The following TLN2 variants were observed in gnomAD, a reference collection of about 807,000 sequenced individuals.
The protein encoded by TLN2 is talin 2.
Under a neutral mutation model 294.7 loss-of-function variants are expected in TLN2, and 118 were observed. That is an observed-to-expected ratio of 0.40 (90% CI 0.34 to 0.47). TLN2 has a LOEUF of 0.47. TLN2 is among the 20% of genes least tolerant of loss of function. The pLI is 0.84. For synonymous variants in TLN2, 1,431 were observed against 1,304.5 expected (o/e 1.10, Z -2.09); for missense variants, 3,083 against 3,282.2 (o/e 0.94, Z 1.48).
rs3055781 is a variant in TLN2, at chr15:62,677,806, C to CTTTTTTTTTTTTTTTTTTTTTTTT, written c.957+2500_957+2501insTTTTTTTTTTTTTTTTTTTTTTTT. 6.6e-5 allele frequency among the ~76,000 whole-genome samples: 5 copies of CTTTTTTTTTTTTTTTTTTTTTTTT among 75,270 alleles called. 2 individuals are homozygous for CTTTTTTTTTTTTTTTTTTTTTTTT. Among genetic ancestry groups the CTTTTTTTTTTTTTTTTTTTTTTTT allele is most frequent in the Non-Finnish European group, 7.2e-5 (3 of 41,468 alleles). The allele number at this position is 75,270 out of a possible 152,430, so 49.4% of individuals were successfully genotyped here. Reference sequence around the variant, plus strand: ...TTAAGAAAGTAGGCAGCACTTGCAACTTTTTTTTTTTTTTTGAGACGGAGA... The same window carrying CTTTTTTTTTTTTTTTTTTTTTTTT: ...TTAAGAAAGTAGGCAGCACTTGCAACTTTTTTTTTTTTTTTTTTTTTTTTTTTTTTTTTTTTTTTGAGACGGAGA... On this transcript the variant is annotated intron_variant, in intron 11 of 58. Coordinates refer to ENST00000636159, the MANE Select transcript of TLN2 (RefSeq NM_015059.3).
At chr15:62,620,489 C>G (rs2048704485) in intron 3 of TLN2, among the ~76,000 whole-genome samples, 1 of 151,536 alleles carries the variant, frequency 6.6e-6, no homozygotes, top group Admixed American at 6.6e-5. Context: ...GCCCCACACC[C>G]TTTTCTTTCT....
chr15:62,573,444 C>T (rs1222836554), intron 1 of TLN2, among the ~76,000 whole-genome samples: 1 of 152,180 alleles, frequency 6.6e-6, no homozygotes, highest in African/African-American at 2.4e-5. Context: ...CTGCATTCAT[C>T]CTTCTAGGGG....
At chr15:62,664,721 G>T (rs1338713648) in intron 9 of TLN2, among the ~76,000 whole-genome samples, 2 of 151,696 alleles carry the variant, frequency 1.3e-5, no homozygotes, top group African/African-American at 2.4e-5. Context: ...AGCTGGGCGT[G>T]ATGGTGCATG....
At chr15:62,508,506 C>A (rs2039755430) in intron 1 of TLN2, among the ~76,000 whole-genome samples, 1 of 152,206 alleles carries the variant, frequency 6.6e-6, no homozygotes, top group Non-Finnish European at 1.5e-5. Context: ...TGAGCCACTG[C>A]ACCCGGCCAA....
intron 38 of TLN2, 83 bp downstream of exon 38, chr15:62,761,904 A>G: frequency 6.4e-7 from 1 of 1,563,340 alleles, no homozygotes; most frequent in Non-Finnish European, 8.8e-7. Flanking sequence ...TTAAAACTCC[A>G]ACAGCTCTCT....
intron 3 of TLN2, chr15:62,644,911 C>A (rs1299068302): frequency 7.4e-6 from 2 of 268,884 alleles, no homozygotes; most frequent in African/African-American, 4.4e-5. Flanking sequence ...CTTCACGCAG[C>A]AACGCTTACA....
Position 62,673,856 on chromosome 15 carries a change from T to C in TLN2, c.818T>C (p.Ile273Thr). 1 of 1,613,516 alleles carries C rather than the reference T, an allele frequency of 6.2e-7. No homozygotes were observed. Among genetic ancestry groups the C allele is most frequent in the Non-Finnish European group, 8.5e-7 (1 of 1,179,676 alleles). The change falls in exon 10 of 59, where the codon ATC becomes ACC. Residue 273 changes from isoleucine to threonine, a missense_variant. Ile to Thr is a moderately conservative substitution (Grantham distance 89). Coordinates refer to ENST00000636159, the MANE Select transcript of TLN2 (RefSeq NM_015059.3). ...AAGGAATTCCTGCCCAAAGAATATA[T>C]CAAGCAGAGAGGAGCTGAAAAGAGG... ...DLKEFLPKEY[I>T]KQRGAEKRIF...
Position 62,391,584 on chromosome 15 carries a change from G to A in TLN2, c.-238+899G>A, listed in dbSNP as rs2032087408. Among the ~76,000 whole-genome samples the A allele has an allele frequency of 2.0e-5, 3 of 152,334 alleles. No homozygotes were observed. In the South Asian group the frequency reaches 6.2e-4, roughly 32 times the overall value. On this transcript the variant is annotated intron_variant, in intron 1 of 58. Coordinates refer to ENST00000636159, the MANE Select transcript of TLN2 (RefSeq NM_015059.3). ...AGGGGGCGAGCAGTTTCTGGGTCCCGGGGAGAGCCCCGCGCCCCAGTCGGA... is the reference window on the plus strand; with the variant it reads ...AGGGGGCGAGCAGTTTCTGGGTCCCAGGGAGAGCCCCGCGCCCCAGTCGGA...
At chr15:62,507,309 G>T (rs150976390) in intron 1 of TLN2, among the ~76,000 whole-genome samples, 2 of 152,186 alleles carry the variant, frequency 1.3e-5, no homozygotes, top group Non-Finnish European at 2.9e-5. Flanking sequence ...AAAGGTGGGG[G>T]TATTCTGCTA....
At chr15:62,505,734 T>A (rs2039580446) in intron 1 of TLN2, among the ~76,000 whole-genome samples, 1 of 152,188 alleles carries the variant, frequency 6.6e-6, no homozygotes, top group Non-Finnish European at 1.5e-5. Flanking sequence ...GGGAGCAAAT[T>A]AAGGAATTTA....
At chr15:62,505,697 G>T (rs1221897971) in intron 1 of TLN2, among the ~76,000 whole-genome samples, 1 of 152,170 alleles carries the variant, frequency 6.6e-6, no homozygotes, top group Admixed American at 6.5e-5. Context: ...CCTGTGCTTG[G>T]TTAAGAATTG....
At chr15:62,662,628 A>G (rs1315813260) in intron 9 of TLN2, among the ~76,000 whole-genome samples, 1 of 152,202 alleles carries the variant, frequency 6.6e-6, no homozygotes, top group African/African-American at 2.4e-5. Flanking sequence ...CGGGGTAGAC[A>G]CTAGACACTG....
intron 1 of TLN2, among the ~76,000 whole-genome samples, chr15:62,527,056 C>G (rs935905420): frequency 1.3e-5 from 2 of 152,146 alleles, no homozygotes; most frequent in African/African-American, 4.8e-5. Context: ...GTCGAGCTTC[C>G]TTTTGATGCT....
chr15:62,636,989 G>C (rs2050442779), intron 3 of TLN2, among the ~76,000 whole-genome samples: 1 of 152,136 alleles, frequency 6.6e-6, no homozygotes, highest in Non-Finnish European at 1.5e-5. Flanking sequence ...TAAAAGCCAA[G>C]TATATCTGTA....
intron 18 of TLN2, among the ~76,000 whole-genome samples, 200 bp downstream of exon 18, chr15:62,702,400 C>G (rs2058770990): frequency 6.6e-6 from 1 of 152,164 alleles, no homozygotes; most frequent in Non-Finnish European, 1.5e-5. Flanking sequence ...GTATAAAGGC[C>G]TCCCCCTCAA....
intron 1 of TLN2, among the ~76,000 whole-genome samples, chr15:62,480,557 A>G (rs139609181): frequency 4.1e-4 from 63 of 152,292 alleles, no homozygotes; most frequent in African/African-American, 1.4e-3. Context: ...TTATTTTACA[A>G]AGTTAGAAAA....
chr15:62,539,351 T>C (rs2041540578), intron 1 of TLN2, among the ~76,000 whole-genome samples: 1 of 152,128 alleles, frequency 6.6e-6, no homozygotes, highest in Non-Finnish European at 1.5e-5. Flanking sequence ...CGCTGTGCTG[T>C]GAATAGTCCT....
intron 3 of TLN2, among the ~76,000 whole-genome samples, chr15:62,629,972 T>G (rs1340051464): frequency 1.3e-5 from 2 of 152,228 alleles, no homozygotes; most frequent in Non-Finnish European, 2.9e-5. Flanking sequence ...GTTCTTAATC[T>G]AGAGAATCTC....
intron 1 of TLN2, among the ~76,000 whole-genome samples, chr15:62,448,442 C>T (rs1402353810): frequency 1.3e-5 from 2 of 152,342 alleles, no homozygotes; most frequent in Non-Finnish European, 2.9e-5. Flanking sequence ...ATGAGCTTCA[C>T]TTCTGGATTC....
Sources: allele counts gnomAD v4.1 joint callset (sites outside exome capture counted in the v4.1 genomes callset), GRCh38; gene constraint gnomAD v4.1.1; transcripts MANE v1.5; gene names NCBI Gene and HGNC (gene_info 2026-07-23, HGNC 2026-07-21).